Variants in STRN observed in about 807,000 individuals in gnomAD.
STRN encodes striatin.
In STRN, 53 loss-of-function variants were observed where a neutral mutation model predicts 96.3. The ratio of observed to expected loss-of-function variants is 0.55; its 90% confidence interval spans 0.44 to 0.69. The LOEUF (loss-of-function observed/expected upper bound fraction) is 0.69, where lower values mean the gene tolerates loss of function less well. Ranked by LOEUF, STRN falls within the 30% of genes least tolerant of loss-of-function variation. STRN has a pLI of 0.00. For missense variants in STRN, 987 were observed against 963.9 expected (o/e 1.02, Z -0.32); for synonymous variants, 428 against 355.9 (o/e 1.20, Z -2.28).
intron 5 of STRN, among the ~76,000 whole-genome samples, chr2:36,901,355 A>G (rs1456237120): frequency 1.3e-5 from 2 of 152,190 alleles, no homozygotes; most frequent in African/African-American, 2.4e-5. Context: ...GATGGAGACC[A>G]TCCTGGCCAA....
intron 1 of STRN, among the ~76,000 whole-genome samples, chr2:36,956,768 T>C (rs565843571): frequency 1.3e-5 from 2 of 152,342 alleles, no homozygotes; most frequent in African/African-American, 4.8e-5. Flanking sequence ...CAGGACTAAA[T>C]AGGCACATCT....
chr2:36,896,960 G>A (rs931424479), intron 6 of STRN, among the ~76,000 whole-genome samples: 1 of 152,124 alleles, frequency 6.6e-6, no homozygotes, highest in African/African-American at 2.4e-5. Flanking sequence ...CTGAGGTCAG[G>A]AGTTCGAGAC....
chr2:36,964,880 G>A (rs889211760), intron 1 of STRN, among the ~76,000 whole-genome samples: 1 of 152,104 alleles, frequency 6.6e-6, no homozygotes, highest in Non-Finnish European at 1.5e-5. Context: ...TTTCAACACA[G>A]GGCCTAGACA....
At chr2:36,880,975 C>G (rs954297601) in intron 9 of STRN, among the ~76,000 whole-genome samples, 1 of 152,110 alleles carries the variant, frequency 6.6e-6, no homozygotes, top group African/African-American at 2.4e-5. Flanking sequence ...ATCACTGTTA[C>G]CTGATTGTTC....
intron 10 of STRN, among the ~76,000 whole-genome samples, chr2:36,874,729 A>C (rs1038820903): frequency 1.6e-4 from 24 of 149,260 alleles, no homozygotes; most frequent in Middle Eastern, 3.5e-3. Context: ...AAAAAAAAAA[A>C]AAAAAAAAAA....
chr2:36,966,366 G>A lies in STRN; in HGVS notation c.98C>T (p.Ala33Val), dbSNP rs1339119334. Reference protein sequence around the residue: ...GLGPLAEAAAAGDGAAAAGAA... With the variant: ...GLGPLAEAAAVGDGAAAAGAA... ...CCCCGCCGCAGCCGCCCCGTCGCCGGCCGCGGCAGCCTCCGCCAGAGGCCC... is the reference window on the plus strand; with the variant it reads ...CCCCGCCGCAGCCGCCCCGTCGCCGACCGCGGCAGCCTCCGCCAGAGGCCC... Residue 33 changes from alanine (A) to valine (V), a missense_variant, in exon 1 of 18, where the codon GCC becomes GTC. Transcript: ENST00000263918. 2.7e-6 allele frequency: 4 copies of A among 1,467,038 alleles called. No individual in the cohort carries two copies. The highest frequency in any genetic ancestry group is 2.7e-5 in the Admixed American group (1 of 37,340). 90.9% of individuals were successfully genotyped at this position (1,467,038 alleles called of 1,614,324 possible). A position where few individuals can be genotyped will look rare whatever the true frequency, so the allele number is the denominator to read the frequency against.
chr2:36,911,130 T>A lies in STRN; in HGVS notation c.412+4948A>T, dbSNP rs556826141. Among the ~76,000 whole-genome samples the A allele has an allele frequency of 3.3e-5, 5 of 152,246 alleles. No individual in the cohort carries two copies. In the South Asian group the frequency reaches 1.0e-3, roughly 32 times the overall value. Reference sequence around the variant, plus strand: ...AGTACTTATCACCATCATCTATAAATCCCTAGATAACCCTCCAAATCTGGC... The same window carrying A: ...AGTACTTATCACCATCATCTATAAAACCCTAGATAACCCTCCAAATCTGGC... On this transcript the variant is annotated intron_variant, in intron 3 of 17. Transcript: ENST00000263918.
At chr2:36,862,838 C>T (rs766092898) in intron 12 of STRN, among the ~76,000 whole-genome samples, 5 of 151,844 alleles carry the variant, frequency 3.3e-5, no homozygotes, top group Non-Finnish European at 2.9e-5. Flanking sequence ...GGGTTCACGC[C>T]GTTCTCCTGC....
intron 8 of STRN, among the ~76,000 whole-genome samples, chr2:36,886,495 T>C (rs916523608): frequency 2.6e-5 from 4 of 152,212 alleles, no homozygotes; most frequent in African/African-American, 4.8e-5. Flanking sequence ...TATTGGGATA[T>C]AGTATACATG....
Position 36,966,245 on chromosome 2 carries a change from C to G in STRN, c.219G>C (p.Glu73Asp). The G allele has an allele frequency of 6.3e-7, 1 of 1,576,570 alleles. No homozygotes were observed. The highest frequency in any genetic ancestry group is 8.6e-7 in the Non-Finnish European group (1 of 1,163,580). ...FEVERAQWEV[E>D]RAELQAQIAF... Reference sequence around the variant, plus strand: ...GGGTCTTTACCTGCAGCTCCGCCCGCTCCACCTCCCACTGGGCTCTCTCCA... The same window carrying G: ...GGGTCTTTACCTGCAGCTCCGCCCGGTCCACCTCCCACTGGGCTCTCTCCA... The change falls in exon 1 of 18, where the codon GAG (glutamate) becomes GAC (aspartate). Residue 73 changes from glutamate (E) to aspartate (D), a missense_variant. Glu to Asp is a conservative substitution (Grantham distance 45, BLOSUM62 2). Coordinates refer to ENST00000263918, the MANE Select transcript of STRN (RefSeq NM_003162.4).
intron 9 of STRN, among the ~76,000 whole-genome samples, chr2:36,880,947 G>A (rs1369350849): frequency 6.6e-6 from 1 of 152,082 alleles, no homozygotes; most frequent in African/African-American, 2.4e-5. Context: ...GGACTGATGA[G>A]GCAGAGCAAT....
At chr2:36,954,439 TAGGCAG>T (rs1558668511) in intron 1 of STRN, among the ~76,000 whole-genome samples, 1 of 147,940 alleles carries the variant, frequency 6.8e-6, no homozygotes, top group Non-Finnish European at 1.5e-5. Context: ...TTGAACCCAG[TAGGCAG>T]AGGTTGCAGT....
chr2:36,964,617 C>A (rs894496154), intron 1 of STRN, among the ~76,000 whole-genome samples: 1 of 152,144 alleles, frequency 6.6e-6, no homozygotes, highest in Non-Finnish European at 1.5e-5. Context: ...TACAGACTTA[C>A]AAGGAAATCA....
At chr2:36,930,594 C>T (rs1263819937) in intron 1 of STRN, among the ~76,000 whole-genome samples, 1 of 151,972 alleles carries the variant, frequency 6.6e-6, no homozygotes, top group East Asian at 1.9e-4. Context: ...TAGTAAGTAC[C>T]CAGGTGATAA....
chr2:36,861,283 C>T (rs1465620213), intron 12 of STRN, 30 bp from the exon 13 acceptor site: 9 of 1,603,928 alleles, frequency 5.6e-6, no homozygotes, highest in African/African-American at 1.3e-5. Context: ...AAATCAACTG[C>T]TATTCTCAAA....
intron 6 of STRN, among the ~76,000 whole-genome samples, chr2:36,897,557 T>C (rs1433012876): frequency 6.6e-6 from 1 of 151,536 alleles, no homozygotes; most frequent in Admixed American, 6.6e-5. Context: ...TGCCTCAGCC[T>C]CCCGAGTAGC....
chr2:36,902,470 A>C (rs1334897749), intron 5 of STRN, 114 bp downstream of exon 5: 4 of 337,510 alleles, frequency 1.2e-5, no homozygotes, highest in East Asian at 5.8e-5. Context: ...AATTTTTATT[A>C]AGTTATAAAT....
At chr2:36,922,491 C>T (rs554480025) in intron 2 of STRN, among the ~76,000 whole-genome samples, 15 of 147,460 alleles carry the variant, frequency 1.0e-4, no homozygotes, top group Non-Finnish European at 1.9e-4. Flanking sequence ...TGCACTACAG[C>T]CTAGGCAACA....
chr2:36,842,041 TTTTG>T lies in STRN; in HGVS notation c.*7411_*7414del, dbSNP rs1456515563. On this transcript the variant is annotated 3_prime_UTR_variant, in exon 18 of 18. Coordinates refer to ENST00000263918, the MANE Select transcript of STRN (RefSeq NM_003162.4). ...TAAAATTACTTTTGCTCTAAGTTAA[TTTTG>T]TTTATGCATGAAAAATTATTGTCTT... The T allele has an allele frequency of 6.6e-6, 1 of 152,250 alleles. No individual in the cohort carries two copies. Among genetic ancestry groups the T allele is most frequent in the Admixed American group, 6.5e-5 (1 of 15,284 alleles). The allele number at this position is 152,250 out of a possible 1,614,324, so 9.4% of individuals were successfully genotyped here.
Sources: allele counts gnomAD v4.1 joint callset (sites outside exome capture counted in the v4.1 genomes callset), GRCh38; gene constraint gnomAD v4.1.1; transcripts MANE v1.5; gene names NCBI Gene and HGNC (gene_info 2026-07-23, HGNC 2026-07-21).